CPZ: variants seen among roughly 807,000 people sequenced by gnomAD.
The protein encoded by CPZ is VEZT/CPZ fusion.
In CPZ, 103 loss-of-function variants were observed where a neutral mutation model predicts 61.8. The observed-to-expected ratio is 1.67, with a 90% CI of 1.42 to 1.96. CPZ has a LOEUF of 1.96. CPZ is among the 30% of genes most tolerant of loss of function. CPZ has a pLI of 0.00. For synonymous variants in CPZ, 551 were observed against 373.7 expected, an observed-to-expected ratio of 1.47 and a Z score of -5.47; for missense variants, 1,461 against 914.9, an observed-to-expected ratio of 1.60 and a Z score of -7.70.
chr4:8,609,613 A>C (rs1015085948), intron 7 of CPZ, among the ~76,000 whole-genome samples: 1 of 148,210 alleles, frequency 6.7e-6, no homozygotes, highest in African/African-American at 2.6e-5. Flanking sequence ...CCCTCTGCAC[A>C]GGCCCAGTGT....
At chr4:8,598,443 C>T (rs892151201) in intron 1 of CPZ, among the ~76,000 whole-genome samples, 1 of 152,248 alleles carries the variant, frequency 6.6e-6, no homozygotes, top group African/African-American at 2.4e-5. Flanking sequence ...CAGGTTTTGG[C>T]TGGAGGTGAA....
Position 8,614,392 on chromosome 4 carries a change from G to A in CPZ, c.1397G>A (p.Cys466Tyr). 1 of 1,613,932 alleles carries A rather than the reference G, an allele frequency of 6.2e-7. No individual in the cohort carries two copies. The highest frequency in any genetic ancestry group is 1.7e-5 in the Admixed American group (1 of 60,008). Residue 466 changes from cysteine (C) to tyrosine (Y), a missense_variant, in exon 9 of 11, where the codon TGC becomes TAC. Transcript: ENST00000360986. ...MSDFNYLHTN[C>Y]FEITVELGCV... ...GATTTCAACTACCTGCACACCAACT[G>A]CTTTGAGATCACGGTAGAGCTGGGC...
intron 1 of CPZ, among the ~76,000 whole-genome samples, chr4:8,595,572 A>G (rs1714119405): frequency 6.6e-6 from 1 of 152,234 alleles, no homozygotes. Context: ...TCATGGGACT[A>G]GCTGTGTGGT....
chr4:8,609,227 C>CTTACTCATTGACTTACTGACTCAT (rs1553877702), intron 7 of CPZ, among the ~76,000 whole-genome samples: 4 of 150,362 alleles, frequency 2.7e-5, no homozygotes, highest in African/African-American at 9.8e-5. Flanking sequence ...CACTTACTCA[C>CTTACTCATTGACTTACTGACTCAT]TCATTGTCAC....
At position 8,618,503 on chromosome 4, in the gene CPZ, A is replaced by G. The variant is rs753243711; in HGVS notation, c.1578A>G (p.Lys526=). ...KPVKNARISV[K]GIRHDITTAP... is the part of the protein sequence containing the mutation. ...TCAAAAACGCCCGGATCTCAGTCAA[A>G]GGCATTCGCCACGACATCACCACAG... The change falls in exon 10 of 11, where the codon AAA becomes AAG. Residue 526 remains lysine, a synonymous_variant. Coordinates refer to ENST00000360986, the MANE Select transcript of CPZ (RefSeq NM_001014447.3). The G allele has an allele frequency of 1.2e-5, 20 of 1,613,926 alleles. No individual in the cohort carries two copies. In the South Asian group the frequency reaches 1.8e-4, roughly 14 times the overall value.
intron 7 of CPZ, among the ~76,000 whole-genome samples, chr4:8,609,231 TTGTC>T (rs1715412175): frequency 1.8e-5 from 1 of 55,212 alleles, no homozygotes; most frequent in Non-Finnish European, 3.6e-5. Context: ...TACTCACTCA[TTGTC>T]ACTCATTCAC....
At chr4:8,600,934 G>A in intron 2 of CPZ, 189 bp from the exon 3 acceptor site, 6 of 1,341,946 alleles carry the variant, frequency 4.5e-6, no homozygotes, top group Middle Eastern at 2.7e-4. Flanking sequence ...TTGGTCTTAG[G>A]CTCCTCCTCT....
At position 8,619,371 on chromosome 4, in the gene CPZ, G is replaced by A; in HGVS notation, c.1713G>A (p.Met571Ile). 6.2e-7 allele frequency: 1 copy of A among 1,614,220 alleles called. No individual in the cohort carries two copies. Among genetic ancestry groups the A allele is most frequent in the Non-Finnish European group, 8.5e-7 (1 of 1,180,032 alleles). Reference sequence around the variant, plus strand: ...AGAAAGTCATCATCCCCGCCCGGATGAAGAGGGCTGGCCGTGTGGACTTCA... The same window carrying A: ...AGAAAGTCATCATCCCCGCCCGGATAAAGAGGGCTGGCCGTGTGGACTTCA... ...VIKKVIIPARMKRAGRVDFIL... is the reference protein window; with the variant it reads ...VIKKVIIPARIKRAGRVDFIL... Residue 571 changes from methionine to isoleucine, a missense_variant, in exon 11 of 11, where the codon ATG (methionine) becomes ATA (isoleucine). Transcript: ENST00000360986.
chr4:8,601,053 C>A, intron 2 of CPZ, 70 bp from the exon 3 acceptor site: 1 of 1,499,390 alleles, frequency 6.7e-7, no homozygotes, highest in Non-Finnish European at 8.9e-7. Flanking sequence ...GGGTCCCCTA[C>A]GTAAATGTCT....
chr4:8,604,257 G>A, intron 4 of CPZ, 69 bp downstream of exon 4: 1 of 1,415,314 alleles, frequency 7.1e-7, no homozygotes, highest in Admixed American at 2.3e-5. Context: ...CCACCTTCGG[G>A]TGCACAAGTT....
chr4:8,597,875 A>G (rs773175951), intron 1 of CPZ, among the ~76,000 whole-genome samples: 2 of 152,192 alleles, frequency 1.3e-5, no homozygotes, highest in Non-Finnish European at 2.9e-5. Flanking sequence ...AATGGGGGAA[A>G]TGGAGACACA....
At chr4:8,613,133 C>CTTTTTTTT (rs36005113) in intron 8 of CPZ, among the ~76,000 whole-genome samples, 1 of 134,712 alleles carries the variant, frequency 7.4e-6, no homozygotes, top group Non-Finnish European at 1.6e-5. Context: ...CTCTCTGTTC[C>CTTTTTTTT]TTTTTTTTTT....
intron 7 of CPZ, among the ~76,000 whole-genome samples, chr4:8,609,786 A>G (rs1001268020): frequency 1.4e-4 from 21 of 152,346 alleles, no homozygotes; most frequent in Non-Finnish European, 2.9e-4. Context: ...CAAGCCATCA[A>G]TCATCGGGCA....
intron 7 of CPZ, 127 bp from the exon 8 acceptor site, chr4:8,611,900 G>C (rs2302576): frequency 7.4e-7 from 1 of 1,343,120 alleles, no homozygotes; most frequent in Middle Eastern, 2.2e-4. Context: ...CCTACCTGCA[G>C]ACACCATTCC....
chr4:8,594,315 A>G (rs565094488), intron 1 of CPZ, among the ~76,000 whole-genome samples: 167 of 152,284 alleles, frequency 1.1e-3, no homozygotes, highest in African/African-American at 3.9e-3. Flanking sequence ...CCGGGCTGCC[A>G]TGTCCCTGTC....
intron 9 of CPZ, among the ~76,000 whole-genome samples, chr4:8,616,518 G>A (rs1406968383): frequency 1.3e-5 from 2 of 152,334 alleles, no homozygotes; most frequent in East Asian, 1.9e-4. Flanking sequence ...GGGCCGTGGG[G>A]CCCTGGGGTA....
chr4:8,606,066 C>CAGTAACTGTGCTCTG lies in CPZ; in HGVS notation c.791_792insACTGTGCTCTGAGTA (p.Gln263_Tyr264insTer). The CAGTAACTGTGCTCTG allele has an allele frequency of 6.2e-7, 1 of 1,614,204 alleles. No homozygotes were observed. Among genetic ancestry groups the CAGTAACTGTGCTCTG allele is most frequent in the Non-Finnish European group, 8.5e-7 (1 of 1,180,026 alleles). ...CCGGGAGATGCTCATCTACCTAGCCCAGTACCTGTGCTCTGAGTACCTGCT... is the reference window on the plus strand; with the variant it reads ...CCGGGAGATGCTCATCTACCTAGCCCAGTAACTGTGCTCTGAGTACCTGTGCTCTGAGTACCTGCT... On this transcript the variant is annotated stop_gained and inframe_insertion, in exon 5 of 11. Transcript: ENST00000360986. LOFTEE classifies it high-confidence loss of function.
At chr4:8,616,448 G>A (rs1219963824) in intron 9 of CPZ, among the ~76,000 whole-genome samples, 1 of 152,174 alleles carries the variant, frequency 6.6e-6, no homozygotes, top group Non-Finnish European at 1.5e-5. Context: ...GAGAGCCCCT[G>A]CTCTCGGGTG....
chr4:8,611,867 TCTGCAGGACACCGTTCCCCTCTCCTAC>T (rs1301703897), intron 7 of CPZ, among the ~76,000 whole-genome samples, 133 bp from the exon 8 acceptor site: 1 of 152,042 alleles, frequency 6.6e-6, no homozygotes. Context: ...CACTGTGTCC[TCTGCAGGACACCGTTCCCCTCTCCTAC>T]CTGCAGACAC....
Sources: allele counts gnomAD v4.1 joint callset (sites outside exome capture counted in the v4.1 genomes callset), GRCh38; gene constraint gnomAD v4.1.1; transcripts MANE v1.5; gene names NCBI Gene and HGNC (gene_info 2026-07-23, HGNC 2026-07-21).